AOPEP: variants seen among roughly 807,000 people sequenced by gnomAD.
The protein encoded by AOPEP is aminopeptidase O (putative), also known as aminopeptidase O.
A neutral mutation model predicts 98.1 loss-of-function variants in AOPEP; 77 were observed. That is an observed-to-expected ratio of 0.78 (90% CI 0.65 to 0.95). The LOEUF (loss-of-function observed/expected upper bound fraction) is 0.95. AOPEP is among the 40% of genes least tolerant of loss of function. AOPEP has a pLI of 0.00. For synonymous variants in AOPEP, 346 were observed against 365.3 expected, an observed-to-expected ratio of 0.95 and a Z score of 0.60; for missense variants, 1,024 against 1,024.7, an observed-to-expected ratio of 1.00 and a Z score of 0.01.
At chr9:94,862,666 C>G (rs2045188224) in intron 5 of AOPEP, among the ~76,000 whole-genome samples, 1 of 152,232 alleles carries the variant, frequency 6.6e-6, no homozygotes, top group African/African-American at 2.4e-5. Flanking sequence ...CCCAGAGTCT[C>G]CGTCCTCCCT....
chr9:95,077,391 C>T (rs1024330330), intron 14 of AOPEP, among the ~76,000 whole-genome samples: 12 of 152,192 alleles, frequency 7.9e-5, no homozygotes, highest in East Asian at 3.8e-4. Context: ...ACAGGGAGGC[C>T]GGTCGCCCCG....
rs2066962516 is a variant in AOPEP at position 95,057,854 on chromosome 9, GGA to G, written c.2116-2838_2116-2837del. On this transcript the variant is annotated intron_variant, in intron 13 of 16. Transcript: ENST00000375315. The stretch of plus-strand genomic sequence containing the variant: ...GAAGAATGGGACTCACAGAAACCTG[GGA>G]GCATGAAGCTGGCTCTGGCAGCACT... Among the ~76,000 whole-genome samples the G allele has an allele frequency of 2.0e-5, 3 of 152,176 alleles. No individual in the cohort carries two copies. The South Asian group carries it at 6.2e-4, about 32-fold the overall frequency.
intron 13 of AOPEP, among the ~76,000 whole-genome samples, chr9:95,058,018 T>G (rs1485000235): frequency 1.3e-5 from 2 of 152,242 alleles, no homozygotes; most frequent in Admixed American, 6.5e-5. Context: ...TCAGGGAGTT[T>G]AGCTTTAAAT....
At chr9:94,760,633 G>A (rs12341814) in intron 2 of AOPEP, 53 bp downstream of exon 2, 100,547 of 1,409,688 alleles carry the variant, frequency 0.071, 4,101 homozygotes, top group African/African-American at 0.13. Flanking sequence ...TGTACGCTGC[G>A]GGGATGCTTT....
chr9:94,962,292 G>T (rs544881179), intron 9 of AOPEP, among the ~76,000 whole-genome samples: 19 of 152,128 alleles, frequency 1.2e-4, no homozygotes, highest in Non-Finnish European at 2.2e-4. Flanking sequence ...CTCATCTCTT[G>T]CCAGCAAACA....
At position 94,980,207 on chromosome 9, in the gene AOPEP, G is replaced by T. The variant is rs907276671; in HGVS notation, c.1977+780G>T. Reference sequence around the variant, plus strand: ...GGCCCCTTCGCCAAATCAAATGCTGGCCATGGCAAGCCTAGGCCCTGGGAA... The same window carrying T: ...GGCCCCTTCGCCAAATCAAATGCTGTCCATGGCAAGCCTAGGCCCTGGGAA... On this transcript the variant is annotated intron_variant, in intron 11 of 16. Coordinates refer to ENST00000375315, the MANE Select transcript of AOPEP (RefSeq NM_001193329.3). The surrounding 1 kb of genome is among the most constrained non-coding windows in gnomAD (Gnocchi z 4.3). Among the ~76,000 whole-genome samples the T allele has an allele frequency of 2.0e-5, 3 of 152,228 alleles. No individual in the cohort carries two copies. The highest frequency in any genetic ancestry group is 7.2e-5 in the African/African-American group (3 of 41,462).
the AOPEP span, chr9:95,099,610 A>C: frequency 4.3e-6 from 1 of 230,854 alleles, no homozygotes; most frequent in Non-Finnish European, 8.6e-6. Context: ...CCCACCTTTG[A>C]GCATCTCTCA....
At chr9:94,727,600 G>A (rs189836474) in intron 1 of AOPEP, among the ~76,000 whole-genome samples, 11 of 152,336 alleles carry the variant, frequency 7.2e-5, no homozygotes, top group African/African-American at 2.6e-4. Context: ...TAGATGCTGA[G>A]TATATGGGAC....
At chr9:95,107,258 C>T in the AOPEP span, 1 of 1,613,856 alleles carries the variant, frequency 6.2e-7, no homozygotes, top group Non-Finnish European at 8.5e-7. Flanking sequence ...CCAGCACGGC[C>T]TTCACCTGGA....
chr9:94,888,480 G>A (rs568457754), intron 5 of AOPEP, among the ~76,000 whole-genome samples: 3 of 152,174 alleles, frequency 2.0e-5, no homozygotes, highest in African/African-American at 4.8e-5. Flanking sequence ...TCACATTGGT[G>A]TAATCCACAA....
intron 11 of AOPEP, among the ~76,000 whole-genome samples, chr9:94,983,543 G>T (rs1254810056): frequency 1.3e-5 from 2 of 152,076 alleles, no homozygotes; most frequent in Admixed American, 6.6e-5. Context: ...CCACAACCCA[G>T]CTCAGACCCA....
intron 5 of AOPEP, among the ~76,000 whole-genome samples, chr9:94,857,940 A>G (rs919488290): frequency 6.6e-6 from 1 of 151,926 alleles, no homozygotes; most frequent in African/African-American, 2.4e-5. Context: ...TTTTTAAGAC[A>G]CAGGATCTCA....
At chr9:95,112,915 T>C in the AOPEP span, among the ~76,000 whole-genome samples, 1 of 152,220 alleles carries the variant, frequency 6.6e-6, no homozygotes, top group Non-Finnish European at 1.5e-5. Context: ...CTTCACGCAT[T>C]TGACATCACA....
At chr9:95,041,496 C>T (rs2065307921) in intron 13 of AOPEP, among the ~76,000 whole-genome samples, 1 of 126,590 alleles carries the variant, frequency 7.9e-6, no homozygotes, top group African/African-American at 3.0e-5. Context: ...GGGAGAGACA[C>T]TAAAAAAGTA....
intron 12 of AOPEP, 83 bp downstream of exon 12, chr9:95,005,303 C>T: frequency 6.2e-6 from 5 of 809,250 alleles, no homozygotes; most frequent in East Asian, 4.9e-5. Context: ...CTCTGCGCTG[C>T]GGCGCGCGGG....
chr9:95,087,034 C>T lies in AOPEP; in HGVS notation c.*357C>T, dbSNP rs866531078. On this transcript the variant is annotated 3_prime_UTR_variant, in exon 17 of 17. Transcript: ENST00000375315. The stretch of plus-strand genomic sequence containing the variant: ...GGTCTGCTCAGCACATGGCTGGATG[C>T]GGATATTTCTATAATTCCAGAAAGT... The T allele has an allele frequency of 6.1e-5, 47 of 764,342 alleles. No homozygotes were observed. Among genetic ancestry groups the T allele is most frequent in the Middle Eastern group, 5.8e-4 (1 of 1,716 alleles). 47.3% of individuals were successfully genotyped at this position (764,342 alleles called of 1,614,324 possible).
At chr9:94,744,014 C>T (rs893136815) in intron 1 of AOPEP, among the ~76,000 whole-genome samples, 1 of 151,938 alleles carries the variant, frequency 6.6e-6, no homozygotes, top group Non-Finnish European at 1.5e-5. Flanking sequence ...AGTCCACACT[C>T]GGTAAAAATG....
At chr9:94,731,212 C>T (rs1479085566) in intron 1 of AOPEP, among the ~76,000 whole-genome samples, 1 of 151,926 alleles carries the variant, frequency 6.6e-6, no homozygotes, top group Non-Finnish European at 1.5e-5. Flanking sequence ...TTTAACAAGT[C>T]AAGAGACTTA....
At chr9:95,111,149 T>G in the AOPEP span, 1 of 1,534,890 alleles carries the variant, frequency 6.5e-7, no homozygotes, top group African/African-American at 1.4e-5. Flanking sequence ...GGGCACGCCT[T>G]GGAGGACGCG....
Sources: allele counts gnomAD v4.1 joint callset (sites outside exome capture counted in the v4.1 genomes callset), GRCh38; gene constraint gnomAD v4.1.1; non-coding constraint Gnocchi (gnomAD v3.1); transcripts MANE v1.5; gene names NCBI Gene and HGNC (gene_info 2026-07-23, HGNC 2026-07-21).